Variants in FAM193B observed in about 807,000 individuals in gnomAD.
The protein encoded by FAM193B is family with sequence similarity 193 member B, also known as protein FAM193B.
In FAM193B, 27 loss-of-function variants were observed where a neutral mutation model predicts 70.7. The observed-to-expected ratio is 0.38, with a 90% CI of 0.28 to 0.53. The LOEUF (loss-of-function observed/expected upper bound fraction) is 0.53. Ranked by LOEUF, FAM193B falls within the 20% of genes least tolerant of loss-of-function variation. The pLI, the probability that FAM193B is intolerant of heterozygous loss-of-function variation, is 0.81. For synonymous variants in FAM193B, 448 were observed against 436.0 expected (o/e 1.03, Z -0.34); for missense variants, 1,022 against 1,072.5 (o/e 0.95, Z 0.66).
chr5:177,539,162 G>A lies in FAM193B; in HGVS notation c.211-15C>T. ...GCGGGGGGGACCTGTCCAACAGACA[G>A]AAACAGGGTTTCCCAGGAGGGGAAA... On this transcript the variant is annotated splice_polypyrimidine_tract_variant and intron_variant, in intron 1 of 8. Coordinates refer to ENST00000514747, the MANE Select transcript of FAM193B (RefSeq NM_001190946.3). 1 of 1,537,234 alleles carries A rather than the reference G, an allele frequency of 6.5e-7. No individual in the cohort carries two copies. The highest frequency in any genetic ancestry group is 8.8e-7 in the Non-Finnish European group (1 of 1,138,996).
At chr5:177,528,080 A>C (rs1370506629) in intron 5 of FAM193B, among the ~76,000 whole-genome samples, 1 of 152,198 alleles carries the variant, frequency 6.6e-6, no homozygotes, top group East Asian at 1.9e-4. Flanking sequence ...AGGAGACAGA[A>C]AGGACGTCAG....
Position 177,525,025 on chromosome 5 carries a change from TG to T in FAM193B, c.1455del (p.Ile486SerfsTer52). On this transcript the variant is annotated frameshift_variant, in exon 6 of 9. Transcript: ENST00000514747. LOFTEE classifies it high-confidence loss of function. ...LQEIKNTVKD[S>X]IRASFSVCEL... ...TCACACACACTGAAGCTGGCACGGA[TG>T]GAGTCTTTGACAGTGTTTTTGATCT... 1 of 1,565,732 alleles carries T rather than the reference TG, an allele frequency of 6.4e-7. No individual in the cohort carries two copies. Among genetic ancestry groups the T allele is most frequent in the Non-Finnish European group, 8.6e-7 (1 of 1,158,560 alleles).
In FAM193B at chr5:177,532,512, T is replaced by C. The variant is rs2127464020; in HGVS notation, c.1206A>G (p.Ser402=). The C allele has an allele frequency of 6.2e-7, 1 of 1,611,486 alleles. No individual in the cohort carries two copies. The highest frequency in any genetic ancestry group is 8.5e-7 in the Non-Finnish European group (1 of 1,179,064). Residue 402 remains serine (S), a synonymous_variant, in exon 5 of 9, where the codon TCA becomes TCG. Coordinates refer to ENST00000514747, the MANE Select transcript of FAM193B (RefSeq NM_001190946.3). This position sits in a 1 kb window ranked among gnomAD's most constrained non-coding sequence, Gnocchi z 4.9. ...DSSSERSSCT[S]SSTHQRDGKF... ...TCCCATCTCTCTGGTGGGTGGAGGA[T>C]GAGGTGCAGGAGCTTCGCTCAGAGC...
intron 5 of FAM193B, among the ~76,000 whole-genome samples, chr5:177,529,029 C>G (rs1763055923): frequency 6.6e-6 from 1 of 152,116 alleles, no homozygotes; most frequent in Non-Finnish European, 1.5e-5. Flanking sequence ...CCTACCAATA[C>G]TTAGCAATGC....
chr5:177,542,313 CCT>C (rs1473223702), intron 1 of FAM193B, among the ~76,000 whole-genome samples: 1 of 152,170 alleles, frequency 6.6e-6, no homozygotes, highest in Non-Finnish European at 1.5e-5. Context: ...TTCTACTTAC[CCT>C]CTCTGTTTGC....
At chr5:177,522,424 G>A (rs772931887) in intron 7 of FAM193B, among the ~76,000 whole-genome samples, 9 of 152,156 alleles carry the variant, frequency 5.9e-5, no homozygotes, top group Non-Finnish European at 1.3e-4. Context: ...CTCTGCAGAT[G>A]CACAAATCCC....
At chr5:177,544,672 A>C (rs1765208814) in intron 1 of FAM193B, among the ~76,000 whole-genome samples, 1 of 152,230 alleles carries the variant, frequency 6.6e-6, no homozygotes, top group Admixed American at 6.5e-5. Context: ...ATATTAACAA[A>C]TGTTATCTTT....
chr5:177,524,794 G>T lies in FAM193B; in HGVS notation c.1687C>A (p.Pro563Thr). 1 of 1,514,222 alleles carries T rather than the reference G, an allele frequency of 6.6e-7. No individual in the cohort carries two copies. Among genetic ancestry groups the T allele is most frequent in the Non-Finnish European group, 8.8e-7 (1 of 1,134,028 alleles). 93.8% of individuals were successfully genotyped at this position (1,514,222 alleles called of 1,614,324 possible). ...PAPPWAEMRG[P>T]HPPWTEVRGP... The stretch of plus-strand genomic sequence containing the variant: ...CTCACCTCTGTCCATGGTGGGTGGG[G>T]GCCTCTCATTTCTGCCCATGGTGGG... The change falls in exon 6 of 9, where the codon CCC (proline) becomes ACC (threonine). Residue 563 changes from proline (P) to threonine (T), a missense_variant. Physicochemically the swap from Pro to Thr is conservative, Grantham distance 38 (BLOSUM62 -1). Coordinates refer to ENST00000514747, the MANE Select transcript of FAM193B (RefSeq NM_001190946.3).
chr5:177,542,972 C>T (rs982737347), intron 1 of FAM193B, among the ~76,000 whole-genome samples: 1 of 152,144 alleles, frequency 6.6e-6, no homozygotes, highest in Admixed American at 6.6e-5. Context: ...GCAATGCAGC[C>T]GGCAGGCAGT....
chr5:177,554,407 C>G lies in FAM193B; in HGVS notation c.52G>C (p.Ala18Pro), dbSNP rs1383161807. ...GGCTTCTGCGGCCCCGCGGCCCGAG[C>G]CCGCTCGCGCCTGCCCGCACCGCCG... The part of the protein sequence containing the change: ...PSGGAGRRER[A>P]RAAGPQKPQA... The change falls in exon 1 of 9, where the codon GCT becomes CCT. Residue 18 changes from alanine (A) to proline (P), a missense_variant. Physicochemically the swap from Ala to Pro is conservative, Grantham distance 27. Coordinates refer to ENST00000514747, the MANE Select transcript of FAM193B (RefSeq NM_001190946.3). 1.8e-6 allele frequency: 2 copies of G among 1,132,566 alleles called. No homozygotes were observed. The highest frequency in any genetic ancestry group is 8.9e-5 in the East Asian group (2 of 22,368). The allele number at this position is 1,132,566 out of a possible 1,614,324, so 70.2% of individuals were successfully genotyped here.
At chr5:177,534,076 G>C (rs1286957828) in intron 4 of FAM193B, among the ~76,000 whole-genome samples, 1 of 152,234 alleles carries the variant, frequency 6.6e-6, no homozygotes, top group East Asian at 1.9e-4. Context: ...GGCTGAGGCT[G>C]AGGTGGCAGG....
At chr5:177,531,111 C>T (rs1380407772) in intron 5 of FAM193B, among the ~76,000 whole-genome samples, 1 of 152,172 alleles carries the variant, frequency 6.6e-6, no homozygotes, top group Non-Finnish European at 1.5e-5. Flanking sequence ...GTTATTTGCC[C>T]CCAGGATCCC....
In FAM193B at chr5:177,539,127, C is replaced by T. The variant is rs1764542748; in HGVS notation, c.231G>A (p.Gln77=). 1.3e-6 allele frequency: 2 copies of T among 1,586,564 alleles called. No individual in the cohort carries two copies. The highest frequency in any genetic ancestry group is 1.7e-6 in the Non-Finnish European group (2 of 1,165,952). Residue 77 remains glutamine, a synonymous_variant, in exon 2 of 9, where the codon CAG becomes CAA. Coordinates refer to ENST00000514747, the MANE Select transcript of FAM193B (RefSeq NM_001190946.3). ...ACAGCAGGCAGCAAGTCTGCACAGGCTGGCTGGAGGCGGGGGGGACCTGTC... is the reference window on the plus strand; with the variant it reads ...ACAGCAGGCAGCAAGTCTGCACAGGTTGGCTGGAGGCGGGGGGGACCTGTC... The part of the protein sequence containing the change: ...PGPQVPPASS[Q]PVQTCCLLCH...
At chr5:177,552,759 G>A (rs528290799) in intron 1 of FAM193B, among the ~76,000 whole-genome samples, 105 of 152,292 alleles carry the variant, frequency 6.9e-4, no homozygotes, top group Middle Eastern at 3.4e-3. Context: ...ATGGGGATGC[G>A]GATGAAGGTG....
At chr5:177,545,387 TTGTTA>T (rs1330198956) in intron 1 of FAM193B, among the ~76,000 whole-genome samples, 1 of 152,192 alleles carries the variant, frequency 6.6e-6, no homozygotes, top group African/African-American at 2.4e-5. Context: ...TCATTAAAAA[TTGTTA>T]TGTTAACAAG....
At chr5:177,530,897 T>C (rs1763346734) in intron 5 of FAM193B, among the ~76,000 whole-genome samples, 1 of 152,216 alleles carries the variant, frequency 6.6e-6, no homozygotes. Flanking sequence ...CCAGTACTTG[T>C]CACATGCTAA....
At chr5:177,530,345 T>G (rs1763261683) in intron 5 of FAM193B, among the ~76,000 whole-genome samples, 1 of 152,196 alleles carries the variant, frequency 6.6e-6, no homozygotes. Context: ...TTCACTGTCT[T>G]CTGCAAATCC....
At chr5:177,549,199 T>C (rs958731014) in intron 1 of FAM193B, among the ~76,000 whole-genome samples, 3 of 148,898 alleles carry the variant, frequency 2.0e-5, no homozygotes, top group African/African-American at 7.4e-5. Flanking sequence ...TTTTTTTTTT[T>C]TTTTTTTTTT....
intron 7 of FAM193B, among the ~76,000 whole-genome samples, chr5:177,522,489 C>T (rs1561744865): frequency 6.6e-6 from 1 of 151,944 alleles, no homozygotes; most frequent in East Asian, 1.9e-4. Context: ...TTCCCATATA[C>T]TTTTTTTTAA....
Sources: gnomAD v4.1 joint callset for allele counts (sites outside exome capture counted in the v4.1 genomes callset) on GRCh38, gnomAD v4.1.1 for gene constraint, Gnocchi (gnomAD v3.1) non-coding constraint, MANE v1.5 for transcripts, NCBI Gene and HGNC (gene_info 2026-07-23, HGNC 2026-07-21) for gene names.